SMAD3: variants seen among roughly 807,000 people sequenced by gnomAD.
SMAD3 encodes SMAD family member 3.
Under a neutral mutation model 51.8 loss-of-function variants are expected in SMAD3, and 12 were observed. The observed-to-expected ratio is 0.23, with a 90% confidence interval of 0.15 to 0.38. The LOEUF is 0.38. Among genes scored for constraint, SMAD3 ranks in the 10% least tolerant of loss-of-function variants. The probability of loss-of-function intolerance (pLI) is 1.00; values close to 1 mark genes in which losing one functional copy is unlikely to be tolerated. For missense variants in SMAD3, 294 were observed against 565.6 expected, an observed-to-expected ratio of 0.52 and a Z score of 4.87; for synonymous variants, 238 against 227.7, an observed-to-expected ratio of 1.05 and a Z score of -0.41.
intron 5 of SMAD3, among the ~76,000 whole-genome samples, chr15:67,175,872 A>C (rs1962878061): frequency 6.6e-6 from 1 of 152,216 alleles, no homozygotes; most frequent in African/African-American, 2.4e-5. Flanking sequence ...TTTACAATGC[A>C]GCCTCTGGCT....
At chr15:67,187,121 C>G in intron 7 of SMAD3, 1 of 663,486 alleles carries the variant, frequency 1.5e-6, no homozygotes, top group Non-Finnish European at 2.8e-6. Flanking sequence ...CCTTCCATCT[C>G]CCCTTGCAGG....
chr15:67,180,114 C>T (rs981102184), intron 5 of SMAD3, among the ~76,000 whole-genome samples: 5 of 152,160 alleles, frequency 3.3e-5, no homozygotes, highest in African/African-American at 4.8e-5. Flanking sequence ...AGCAGAGTGT[C>T]GTAGGCTAAG....
At chr15:67,154,962 A>AG (rs1473712008) in intron 1 of SMAD3, among the ~76,000 whole-genome samples, 1 of 152,240 alleles carries the variant, frequency 6.6e-6, no homozygotes, top group African/African-American at 2.4e-5. Context: ...CATTGGAAGA[A>AG]GGCTGGCAAT....
chr15:67,158,104 G>T (rs1258492412), intron 1 of SMAD3, among the ~76,000 whole-genome samples: 1 of 152,046 alleles, frequency 6.6e-6, no homozygotes, highest in Non-Finnish European at 1.5e-5. Context: ...GGAGAAGAGT[G>T]GGTCATAAAT....
intron 5 of SMAD3, among the ~76,000 whole-genome samples, chr15:67,173,257 C>T (rs1236354012): frequency 1.3e-5 from 2 of 149,462 alleles, no homozygotes; most frequent in Non-Finnish European, 3.0e-5. Context: ...AGCCTGGGGG[C>T]GGGGAGGGGG....
intron 1 of SMAD3, among the ~76,000 whole-genome samples, chr15:67,074,983 T>C (rs1244526326): frequency 2.6e-5 from 4 of 152,190 alleles, no homozygotes. Flanking sequence ...CATCACAAAC[T>C]GCCAAGCCAA....
intron 3 of SMAD3, among the ~76,000 whole-genome samples, 196 bp downstream of exon 3, chr15:67,165,580 C>T (rs1309080362): frequency 6.6e-6 from 1 of 152,268 alleles, no homozygotes; most frequent in Non-Finnish European, 1.5e-5. Context: ...GCTCCCCCCT[C>T]ACTAGTGATG....
chr15:67,117,059 A>G (rs1346213328), intron 1 of SMAD3, among the ~76,000 whole-genome samples: 1 of 152,180 alleles, frequency 6.6e-6, no homozygotes, highest in East Asian at 1.9e-4. Flanking sequence ...ACTGAAACAC[A>G]CACTGAAAAG....
chr15:67,168,745 C>A (rs1388078494), intron 4 of SMAD3, among the ~76,000 whole-genome samples: 1 of 152,150 alleles, frequency 6.6e-6, no homozygotes, highest in Non-Finnish European at 1.5e-5. Context: ...CTGTTGTGAA[C>A]ATGAGTGATT....
At chr15:67,138,290 G>C (rs759254569) in intron 1 of SMAD3, 1 of 551,606 alleles carries the variant, frequency 1.8e-6, no homozygotes. Context: ...CAGAGGCGTC[G>C]CTCAGGGCCC....
intron 1 of SMAD3, among the ~76,000 whole-genome samples, chr15:67,135,456 T>C (rs1961635419): frequency 6.6e-6 from 1 of 152,314 alleles, no homozygotes; most frequent in African/African-American, 2.4e-5. Context: ...ATTAGATAAT[T>C]TGAGAGCCAA....
At chr15:67,131,655 C>T (rs1412114118) in intron 1 of SMAD3, among the ~76,000 whole-genome samples, 3 of 152,130 alleles carry the variant, frequency 2.0e-5, no homozygotes, top group East Asian at 3.9e-4. Context: ...ATTTCAGTCC[C>T]AGCCTCTCTC....
chr15:67,097,390 GT>G (rs200414958), intron 1 of SMAD3, among the ~76,000 whole-genome samples: 4 of 151,572 alleles, frequency 2.6e-5, no homozygotes, highest in African/African-American at 7.3e-5. Context: ...TAATTTTCAT[GT>G]TTTTTTTGTT....
intron 6 of SMAD3, among the ~76,000 whole-genome samples, chr15:67,184,438 C>CA (rs891074884): frequency 8.5e-5 from 13 of 152,152 alleles, no homozygotes; most frequent in Non-Finnish European, 1.8e-4. Context: ...AACGAAGACT[C>CA]AGAGGGTGAA....
intron 1 of SMAD3, among the ~76,000 whole-genome samples, chr15:67,071,096 G>C (rs191353658): frequency 6.6e-6 from 1 of 152,308 alleles, no homozygotes; most frequent in East Asian, 1.9e-4. Flanking sequence ...ATGAGCTGCA[G>C]CTGAGGAATG....
chr15:67,184,040 C>T (rs1228692568), intron 6 of SMAD3, among the ~76,000 whole-genome samples: 3 of 151,544 alleles, frequency 2.0e-5, no homozygotes, highest in Admixed American at 6.6e-5. Context: ...GAAAAGCTGA[C>T]ACCAGGCACT....
chr15:67,095,875 G>A (rs1960604984), intron 1 of SMAD3, among the ~76,000 whole-genome samples: 1 of 152,164 alleles, frequency 6.6e-6, no homozygotes, highest in South Asian at 2.1e-4. Flanking sequence ...CTAGTGTTTT[G>A]GAGCATGAGC....
rs1963406948 is a variant in SMAD3, at chr15:67,193,081, G to A, written c.*2545G>A. 1.3e-5 allele frequency: 3 copies of A among 233,106 alleles called. No homozygotes were observed. In the South Asian group the frequency reaches 5.4e-4, roughly 42 times the overall value. The allele number at this position is 233,106 out of a possible 1,614,324, so 14.4% of individuals were successfully genotyped here. A position where few individuals can be genotyped will look rare whatever the true frequency, so the allele number is the denominator to read the frequency against. On this transcript the variant is annotated 3_prime_UTR_variant, in exon 9 of 9. Coordinates refer to ENST00000327367, the MANE Select transcript of SMAD3 (RefSeq NM_005902.4). ...CTTAGAGTGCTACATAGGTGCTTTGGGCGTATGTAACATTAGTGTCCTTCC... is the reference window on the plus strand; with the variant it reads ...CTTAGAGTGCTACATAGGTGCTTTGAGCGTATGTAACATTAGTGTCCTTCC...
intron 1 of SMAD3, among the ~76,000 whole-genome samples, chr15:67,109,454 T>C (rs1363521233): frequency 1.3e-5 from 2 of 152,136 alleles, no homozygotes; most frequent in African/African-American, 4.8e-5. Flanking sequence ...ATGTAAGTCT[T>C]ACATCCTCCT....
Sources: allele counts gnomAD v4.1 joint callset (sites outside exome capture counted in the v4.1 genomes callset), GRCh38; gene constraint gnomAD v4.1.1; transcripts MANE v1.5; gene names NCBI Gene and HGNC (gene_info 2026-07-23, HGNC 2026-07-21).